Variants in AKAP13 observed in about 807,000 individuals in gnomAD.
AKAP13 encodes the protein A-kinase anchoring protein 13.
A neutral mutation model predicts 264.5 loss-of-function variants in AKAP13; 80 were observed. That is an observed-to-expected ratio of 0.30 (90% CI 0.25 to 0.36). The LOEUF is 0.36. Ranked by LOEUF, AKAP13 falls within the 10% of genes least tolerant of loss-of-function variation. The probability of loss-of-function intolerance (pLI) is 1.00; values close to 1 mark genes in which losing one functional copy is unlikely to be tolerated. For synonymous variants in AKAP13, 1,380 were observed against 1,250.2 expected (o/e 1.10, Z -2.19); for missense variants, 3,712 against 3,435.2 (o/e 1.08, Z -2.01).
At position 85,552,195 on chromosome 15, in the gene AKAP13, A is replaced by C. The variant is rs140596356; in HGVS notation, c.662+8240A>C. Among the ~76,000 whole-genome samples the C allele has an allele frequency of 6.3e-3, 962 of 152,346 alleles. 11 individuals are homozygous for C. The highest frequency in any genetic ancestry group is 0.022 in the African/African-American group (904 of 41,572). On this transcript the variant is annotated intron_variant, in intron 5 of 36. Coordinates refer to ENST00000394518, the MANE Select transcript of AKAP13 (RefSeq NM_007200.5). ...TGTTTTGAAAGTTTAACCTTATAGT[A>C]GGAGAACAGTTTCTCAGCATTACCA...
intron 14 of AKAP13, among the ~76,000 whole-genome samples, chr15:85,677,666 G>A: frequency 7.0e-6 from 1 of 143,570 alleles, no homozygotes. Context: ...TTTTTTTTGA[G>A]ATGGAGATGG....
At chr15:85,699,417 G>T (rs943944956) in intron 17 of AKAP13, among the ~76,000 whole-genome samples, 1 of 151,364 alleles carries the variant, frequency 6.6e-6, no homozygotes, top group Non-Finnish European at 1.5e-5. Flanking sequence ...GCACTTTAGC[G>T]TGCGCAACAA....
intron 17 of AKAP13, among the ~76,000 whole-genome samples, chr15:85,706,953 G>T (rs1227910995): frequency 6.6e-6 from 1 of 152,138 alleles, no homozygotes; most frequent in East Asian, 1.9e-4. Flanking sequence ...CATCACTCCA[G>T]TCCCCCACAA....
intron 5 of AKAP13, among the ~76,000 whole-genome samples, chr15:85,570,071 G>C (rs1247667832): frequency 2.9e-5 from 2 of 68,104 alleles, no homozygotes; most frequent in Non-Finnish European, 5.4e-5. Flanking sequence ...GCGAGACTCC[G>C]TCTCAAAAAA....
chr15:85,710,625 C>A lies in AKAP13; in HGVS notation c.5579C>A (p.Thr1860Lys), dbSNP rs146388266. The A allele has an allele frequency of 8.1e-6, 13 of 1,613,632 alleles. No homozygotes were observed. The East Asian group carries it at 2.5e-4, about 30-fold the overall frequency. The change falls in exon 19 of 37, where the codon ACG becomes AAG. Residue 1860 changes from threonine (T) to lysine (K), a missense_variant. Thr to Lys is a moderately conservative substitution (Grantham distance 78). Coordinates refer to ENST00000394518, the MANE Select transcript of AKAP13 (RefSeq NM_007200.5). ...GCACATGACACATCATCACTGCCCA[C>A]GGTCATTATGAGAAACAAGCGTAAG... Reference protein sequence around the residue: ...LQAHDTSSLPTVIMRNKPSQP... With the variant: ...LQAHDTSSLPKVIMRNKPSQP...
intron 8 of AKAP13, 30 bp downstream of exon 8, chr15:85,585,853 A>G (rs755279961): frequency 6.2e-7 from 1 of 1,610,614 alleles, no homozygotes; most frequent in South Asian, 1.1e-5. Flanking sequence ...CTATAAGGGC[A>G]CAAAATGTGT....
chr15:85,575,392 T>C, intron 6 of AKAP13, 63 bp downstream of exon 6: 8 of 1,477,690 alleles, frequency 5.4e-6, no homozygotes, highest in Middle Eastern at 4.0e-4. Context: ...TGTATGTGTG[T>C]GTCCCCGCCC....
chr15:85,535,653 G>T (rs1279642959), intron 4 of AKAP13: 1 of 152,112 alleles, frequency 6.6e-6, no homozygotes, highest in Non-Finnish European at 1.5e-5. Context: ...AGTTATTTGT[G>T]GGGCTTATGG....
intron 4 of AKAP13, among the ~76,000 whole-genome samples, chr15:85,541,811 T>A (rs2077588539): frequency 6.6e-6 from 1 of 152,214 alleles, no homozygotes; most frequent in Admixed American, 6.5e-5. Context: ...TAATCTGTTA[T>A]CCTCAGAAAG....
At chr15:85,575,649 G>C (rs532762897) in intron 6 of AKAP13, among the ~76,000 whole-genome samples, 1 of 151,694 alleles carries the variant, frequency 6.6e-6, no homozygotes, top group East Asian at 1.9e-4. Flanking sequence ...CCGAGATCAC[G>C]CCATTGCACT....
At chr15:85,501,658 T>A (rs2076040422) in intron 2 of AKAP13, among the ~76,000 whole-genome samples, 1 of 152,098 alleles carries the variant, frequency 6.6e-6, no homozygotes, top group Non-Finnish European at 1.5e-5. Flanking sequence ...GAGATAACTA[T>A]TTTTTTTCTA....
intron 20 of AKAP13, 26 bp from the exon 21 acceptor site, chr15:85,717,264 A>C (rs758923567): frequency 6.3e-6 from 9 of 1,423,874 alleles, no homozygotes; most frequent in Non-Finnish European, 8.9e-6. Flanking sequence ...TGTATTTGAC[A>C]GTATGTATTT....
chr15:85,581,558 G>A lies in AKAP13; in HGVS notation c.3490G>A (p.Gly1164Arg), dbSNP rs761468914. 1 of 1,614,146 alleles carries A rather than the reference G, an allele frequency of 6.2e-7. No homozygotes were observed. Among genetic ancestry groups the A allele is most frequent in the Non-Finnish European group, 8.5e-7 (1 of 1,180,028 alleles). ...PLDWEKGKLE[G>R]ADHSCTMGDA... Reference sequence around the variant, plus strand: ...TGATTGGGAGAAAGGGAAGCTGGAGGGAGCAGACCACAGCTGTACCATGGG... The same window carrying A: ...TGATTGGGAGAAAGGGAAGCTGGAGAGAGCAGACCACAGCTGTACCATGGG... Residue 1164 changes from glycine (G) to arginine (R), a missense_variant, in exon 7 of 37, where the codon GGA becomes AGA. Physicochemically the swap from Gly to Arg is moderately radical, Grantham distance 125. Coordinates refer to ENST00000394518, the MANE Select transcript of AKAP13 (RefSeq NM_007200.5).
At chr15:85,613,878 G>A (rs1316829142) in intron 8 of AKAP13, among the ~76,000 whole-genome samples, 1 of 151,268 alleles carries the variant, frequency 6.6e-6, no homozygotes, top group African/African-American at 2.4e-5. Flanking sequence ...ACTCTCTTAA[G>A]GCTAAAATGA....
intron 1 of AKAP13, among the ~76,000 whole-genome samples, chr15:85,397,331 G>A (rs555128067): frequency 6.6e-6 from 1 of 152,066 alleles, no homozygotes; most frequent in Non-Finnish European, 1.5e-5. Flanking sequence ...TATTTTGGCT[G>A]CTTTGCCAAA....
intron 2 of AKAP13, among the ~76,000 whole-genome samples, chr15:85,506,538 A>ATGTAT (rs10689280): frequency 0.51 from 76,715 of 151,482 alleles, 19,939 homozygotes; most frequent in Middle Eastern, 0.61. Context: ...ATAATATATA[A>ATGTAT]TGTATTAAAT....
At chr15:85,427,716 C>T (rs1567051344) in intron 1 of AKAP13, among the ~76,000 whole-genome samples, 1 of 152,124 alleles carries the variant, frequency 6.6e-6, no homozygotes, top group Non-Finnish European at 1.5e-5. Flanking sequence ...GCATTTGGGT[C>T]TACAAAACCA....
At chr15:85,493,449 A>G (rs1454923516) in intron 2 of AKAP13, among the ~76,000 whole-genome samples, 2 of 152,206 alleles carry the variant, frequency 1.3e-5, no homozygotes, top group Non-Finnish European at 2.9e-5. Context: ...CAACAGGGAA[A>G]TGAAGGTGAT....
intron 5 of AKAP13, among the ~76,000 whole-genome samples, chr15:85,563,437 A>G (rs189952026): frequency 2.4e-4 from 35 of 148,794 alleles, no homozygotes; most frequent in East Asian, 7.9e-4. Flanking sequence ...CTGTTGATCA[A>G]TGTAGCAGAT....
Sources: allele counts gnomAD v4.1 joint callset (sites outside exome capture counted in the v4.1 genomes callset), GRCh38; gene constraint gnomAD v4.1.1; transcripts MANE v1.5; gene names NCBI Gene and HGNC (gene_info 2026-07-23, HGNC 2026-07-21).